The following TUBGCP4 variants were observed in gnomAD, a reference collection of about 807,000 sequenced individuals.
TUBGCP4 encodes tubulin gamma complex component 4, also known as gamma-tubulin complex component 4.
Under a neutral mutation model 91.6 loss-of-function variants are expected in TUBGCP4, and 54 were observed. That is an observed-to-expected ratio of 0.59 (90% CI 0.47 to 0.74). The LOEUF (loss-of-function observed/expected upper bound fraction) is 0.74. Among genes scored for constraint, TUBGCP4 ranks in the 30% least tolerant of loss-of-function variants. The pLI, the probability that TUBGCP4 is intolerant of heterozygous loss-of-function variation, is 0.00. For synonymous variants in TUBGCP4, 297 were observed against 302.8 expected, an observed-to-expected ratio of 0.98 and a Z score of 0.20; for missense variants, 593 against 800.9, an observed-to-expected ratio of 0.74 and a Z score of 3.13.
In TUBGCP4 at chr15:43,400,188, A is replaced by G; in HGVS notation, c.1563A>G (p.Ala521=). The change falls in exon 14 of 18, where the codon GCA becomes GCG. Residue 521 remains alanine (A), a synonymous_variant. Transcript: ENST00000564079. The part of the protein sequence containing the change: ...AIKWRLRNHM[A]FLVDNLQYYL... ...AGTGGCGCCTAAGAAATCACATGGCATTTTTGGTGGATAATCTTCAGTACT... is the reference window on the plus strand; with the variant it reads ...AGTGGCGCCTAAGAAATCACATGGCGTTTTTGGTGGATAATCTTCAGTACT... The G allele has an allele frequency of 2.5e-6, 4 of 1,614,136 alleles. No individual in the cohort carries two copies. Among genetic ancestry groups the G allele is most frequent in the Non-Finnish European group, 3.4e-6 (4 of 1,180,028 alleles).
At chr15:43,404,230 T>G in intron 16 of TUBGCP4, 183 bp from the exon 17 acceptor site, 1 of 628,024 alleles carries the variant, frequency 1.6e-6, no homozygotes, top group Non-Finnish European at 2.7e-6. Context: ...TAGGAAGTCA[T>G]GCATGTATGG....
intron 1 of TUBGCP4, among the ~76,000 whole-genome samples, chr15:43,373,436 A>G (rs1431301716): frequency 6.6e-6 from 1 of 152,206 alleles, no homozygotes; most frequent in Non-Finnish European, 1.5e-5. Context: ...TAATAATATA[A>G]AATTGCTTAT....
intron 9 of TUBGCP4, among the ~76,000 whole-genome samples, chr15:43,387,239 G>A (rs898696401): frequency 6.6e-6 from 1 of 152,000 alleles, no homozygotes; most frequent in Non-Finnish European, 1.5e-5. Flanking sequence ...CCAGGCCTCC[G>A]ACTCCTGGTG....
chr15:43,395,058 G>A (rs748875882), intron 9 of TUBGCP4, 49 bp from the exon 10 acceptor site: 4 of 1,591,188 alleles, frequency 2.5e-6, no homozygotes, highest in Non-Finnish European at 3.5e-6. Flanking sequence ...CTTTGCAGGA[G>A]TTCTCACTGT....
rs202017703 is a variant in TUBGCP4, at chr15:43,407,165, G to A, written c.*1951G>A. 4.5e-5 allele frequency: 24 copies of A among 530,388 alleles called. No homozygotes were observed. The East Asian group carries it at 7.5e-4, about 17-fold the overall frequency. The allele number at this position is 530,388 out of a possible 1,614,324, so 32.9% of individuals were successfully genotyped here. On this transcript the variant is annotated 3_prime_UTR_variant, in exon 18 of 18. Coordinates refer to ENST00000564079, the MANE Select transcript of TUBGCP4 (RefSeq NM_014444.5). ...AGACTCAGAGAAAGTACTATGTCTT[G>A]TCATTTGTTCTGAGATTAAGCTCAA...
Position 43,406,476 on chromosome 15 carries a change from C to T in TUBGCP4, c.*1262C>T, listed in dbSNP as rs1334127446. ...GTTTTTGTACAGTTTTACTGAAACA[C>T]AGCCATGCCCATTTGTTTACTCATT... is the stretch of plus-strand genomic sequence containing the variant. On this transcript the variant is annotated 3_prime_UTR_variant, in exon 18 of 18. Transcript: ENST00000564079. The T allele has an allele frequency of 2.6e-6, 1 of 390,274 alleles. No individual in the cohort carries two copies. Among genetic ancestry groups the T allele is most frequent in the Non-Finnish European group, 5.1e-6 (1 of 196,608 alleles). The allele number at this position is 390,274 out of a possible 1,614,324, so 24.2% of individuals were successfully genotyped here.
Position 43,405,331 on chromosome 15 carries a change from C to A in TUBGCP4, c.*117C>A. 8.5e-7 allele frequency: 1 copy of A among 1,171,692 alleles called. No homozygotes were observed. The highest frequency in any genetic ancestry group is 1.3e-5 in the South Asian group (1 of 76,280). The allele number at this position is 1,171,692 out of a possible 1,614,324, so 72.6% of individuals were successfully genotyped here. On this transcript the variant is annotated 3_prime_UTR_variant, in exon 18 of 18. Coordinates refer to ENST00000564079, the MANE Select transcript of TUBGCP4 (RefSeq NM_014444.5). ...ATATCTGCGGCTTAGTGATAGGACT[C>A]TACCTTTTCTCCTAGAAGCAGTTAC...
chr15:43,399,390 C>T (rs542435625), intron 13 of TUBGCP4, among the ~76,000 whole-genome samples: 2 of 152,100 alleles, frequency 1.3e-5, no homozygotes, highest in African/African-American at 4.8e-5. Context: ...TTTTTTGAGA[C>T]AGGGTCTTGC....
intron 9 of TUBGCP4, among the ~76,000 whole-genome samples, chr15:43,393,595 G>GC: frequency 6.6e-6 from 1 of 151,384 alleles, no homozygotes; most frequent in Admixed American, 6.6e-5. Context: ...ATCCCTCCCC[G>GC]GTCCCCCCAC....
Position 43,408,528 on chromosome 15 carries a change from A to G in TUBGCP4, c.*3314A>G, listed in dbSNP as rs1005439620. On this transcript the variant is annotated 3_prime_UTR_variant, in exon 18 of 18. Coordinates refer to ENST00000564079, the MANE Select transcript of TUBGCP4 (RefSeq NM_014444.5). ...GGTCCCCCTTCTCTTCCTTCTTTCT[A>G]TGAATGATCTGTATTCCTTGCATTC... The G allele has an allele frequency of 1.8e-5, 5 of 277,896 alleles. No homozygotes were observed. The highest frequency in any genetic ancestry group is 2.8e-5 in the Non-Finnish European group (4 of 144,928). The allele number at this position is 277,896 out of a possible 1,614,324, so 17.2% of individuals were successfully genotyped here.
chr15:43,380,350 C>CAAG, intron 6 of TUBGCP4, among the ~76,000 whole-genome samples, 187 bp downstream of exon 6: 1 of 152,180 alleles, frequency 6.6e-6, no homozygotes, highest in African/African-American at 2.4e-5. Flanking sequence ...GCAAAAAGGG[C>CAAG]TATAGAGTGT....
At chr15:43,371,462 G>C in intron 1 of TUBGCP4, 30 bp downstream of exon 1, 1 of 1,612,258 alleles carries the variant, frequency 6.2e-7, no homozygotes, top group South Asian at 1.1e-5. Context: ...GCGGGAACCA[G>C]GGAGCGCAGG....
intron 9 of TUBGCP4, among the ~76,000 whole-genome samples, chr15:43,393,483 A>G (rs1403066035): frequency 2.6e-5 from 4 of 151,540 alleles, no homozygotes; most frequent in Non-Finnish European, 5.9e-5. Context: ...TTTAGGGTAC[A>G]TGTGCACAAT....
In TUBGCP4 at chr15:43,406,295, G is replaced by A; in HGVS notation, c.*1081G>A. The A allele has an allele frequency of 4.4e-6, 1 of 225,640 alleles. No individual in the cohort carries two copies. Among genetic ancestry groups the A allele is most frequent in the Non-Finnish European group, 9.0e-6 (1 of 111,654 alleles). 14.0% of individuals were successfully genotyped at this position (225,640 alleles called of 1,614,324 possible). Reference sequence around the variant, plus strand: ...AACTGAAAAAGAATGCAGTGTTCTGGCATCAGGTTATAGTCACTGCATCTG... The same window carrying A: ...AACTGAAAAAGAATGCAGTGTTCTGACATCAGGTTATAGTCACTGCATCTG... On this transcript the variant is annotated 3_prime_UTR_variant, in exon 18 of 18. Coordinates refer to ENST00000564079, the MANE Select transcript of TUBGCP4 (RefSeq NM_014444.5).
At position 43,407,137 on chromosome 15, in the gene TUBGCP4, G is replaced by C. The variant is rs1474296919; in HGVS notation, c.*1923G>C. ...TCCTCCGTAAGTGAATAAGCCTGTT[G>C]AAAGACTCAGAGAAAGTACTATGTC... On this transcript the variant is annotated 3_prime_UTR_variant, in exon 18 of 18. Transcript: ENST00000564079. 9.1e-6 allele frequency: 4 copies of C among 439,270 alleles called. No individual in the cohort carries two copies. The highest frequency in any genetic ancestry group is 7.8e-5 in the African/African-American group (4 of 50,966). 27.2% of individuals were successfully genotyped at this position (439,270 alleles called of 1,614,324 possible). A position where few individuals can be genotyped will look rare whatever the true frequency, so the allele number is the denominator to read the frequency against.
intron 9 of TUBGCP4, among the ~76,000 whole-genome samples, chr15:43,388,498 C>A (rs1388746014): frequency 6.6e-6 from 1 of 152,170 alleles, no homozygotes; most frequent in Non-Finnish European, 1.5e-5. Flanking sequence ...ATTGCTTCAA[C>A]CCCGTCTATA....
At chr15:43,383,192 T>A in intron 6 of TUBGCP4, 111 bp from the exon 7 acceptor site, 2 of 844,476 alleles carry the variant, frequency 2.4e-6, no homozygotes, top group Non-Finnish European at 3.5e-6. Flanking sequence ...CACAATTATT[T>A]TTAACTTAAT....
At chr15:43,381,679 C>T (rs2044287094) in intron 6 of TUBGCP4, among the ~76,000 whole-genome samples, 1 of 152,142 alleles carries the variant, frequency 6.6e-6, no homozygotes, top group South Asian at 2.1e-4. Context: ...CTGCAGTGAG[C>T]TGAGATCTCG....
chr15:43,388,929 G>A (rs2044424872), intron 9 of TUBGCP4, among the ~76,000 whole-genome samples: 2 of 152,134 alleles, frequency 1.3e-5, no homozygotes, highest in Non-Finnish European at 2.9e-5. Flanking sequence ...TTTAAAGTGT[G>A]TATACTATGT....
Sources: allele counts gnomAD v4.1 joint callset (sites outside exome capture counted in the v4.1 genomes callset), GRCh38; gene constraint gnomAD v4.1.1; transcripts MANE v1.5; gene names NCBI Gene and HGNC (gene_info 2026-07-23, HGNC 2026-07-21).